The following RFC1 variants were observed in gnomAD, a reference collection of about 807,000 sequenced individuals.
RFC1 encodes A1 140 kDa subunit.
A neutral mutation model predicts 137.4 loss-of-function variants in RFC1; 37 were observed. The observed-to-expected ratio is 0.27, with a 90% CI of 0.21 to 0.35. The LOEUF (loss-of-function observed/expected upper bound fraction) is 0.35, where lower values mean the gene tolerates loss of function less well. Among genes scored for constraint, RFC1 ranks in the 10% least tolerant of loss-of-function variants. RFC1 has a pLI of 1.00. For synonymous variants in RFC1, 429 were observed against 455.7 expected, an observed-to-expected ratio of 0.94 and a Z score of 0.75; for missense variants, 1,205 against 1,358.5, an observed-to-expected ratio of 0.89 and a Z score of 1.78.
chr4:39,344,743 C>T (rs937139319), intron 3 of RFC1, among the ~76,000 whole-genome samples: 1 of 152,114 alleles, frequency 6.6e-6, no homozygotes, highest in Non-Finnish European at 1.5e-5. Flanking sequence ...CCAGATCGCA[C>T]CACTGCACTC....
chr4:39,335,196 C>T (rs1470436295), intron 4 of RFC1, among the ~76,000 whole-genome samples: 1 of 152,146 alleles, frequency 6.6e-6, no homozygotes, highest in Admixed American at 6.5e-5. Context: ...AAGCCTTTTT[C>T]TATAAAGTTT....
intron 1 of RFC1, among the ~76,000 whole-genome samples, chr4:39,365,153 GAAAAAAAAAAAA>G (rs745527928): frequency 2.5e-5 from 2 of 79,882 alleles, no homozygotes; most frequent in South Asian, 5.7e-4. Context: ...GGGTTGAAAT[GAAAAAAAAAAAA>G]AAAAAAAAAA....
At chr4:39,353,573 A>G (rs988875085) in intron 1 of RFC1, among the ~76,000 whole-genome samples, 3 of 152,118 alleles carry the variant, frequency 2.0e-5, no homozygotes, top group African/African-American at 7.2e-5. Context: ...ATCAGATGCT[A>G]AAGAGGAGAA....
In RFC1 at chr4:39,302,786, T is replaced by G; in HGVS notation, c.2291A>C (p.His764Pro). 6.2e-7 allele frequency: 1 copy of G among 1,603,930 alleles called. No homozygotes were observed. The highest frequency in any genetic ancestry group is 8.5e-7 in the Non-Finnish European group (1 of 1,177,254). The change falls in exon 17 of 25, where the codon CAT (histidine) becomes CCT (proline). Residue 764 changes from histidine to proline, a missense_variant. His to Pro is a moderately conservative substitution (Grantham distance 77). Transcript: ENST00000349703. ...RNHPKIRSLV[H>P]YCFDLRFQRP... ...TTGAAAACGAAGATCAAAACAATAA[T>G]GAACCAGAGAGCGAATCTTGGGATG...
At chr4:39,298,774 C>T (rs923371057) in intron 21 of RFC1, among the ~76,000 whole-genome samples, 1 of 152,202 alleles carries the variant, frequency 6.6e-6, no homozygotes, top group South Asian at 2.1e-4. Context: ...TCTAACATTC[C>T]TATTTCTATG....
intron 15 of RFC1, among the ~76,000 whole-genome samples, chr4:39,303,636 T>A (rs1326258600): frequency 6.6e-6 from 1 of 152,232 alleles, no homozygotes; most frequent in Non-Finnish European, 1.5e-5. Context: ...GTATTTTTAG[T>A]AGAGACGGTG....
At chr4:39,294,944 A>G (rs1326934274) in intron 22 of RFC1, among the ~76,000 whole-genome samples, 1 of 152,216 alleles carries the variant, frequency 6.6e-6, no homozygotes, top group Non-Finnish European at 1.5e-5. Flanking sequence ...TGGAGGATGC[A>G]GTGAGCAGAG....
intron 12 of RFC1, among the ~76,000 whole-genome samples, chr4:39,309,701 T>C (rs1225966064): frequency 6.6e-6 from 1 of 152,188 alleles, no homozygotes; most frequent in Non-Finnish European, 1.5e-5. Flanking sequence ...AGGTACAGGG[T>C]TTCTTTTCAG....
intron 10 of RFC1, among the ~76,000 whole-genome samples, chr4:39,314,779 T>C (rs995217066): frequency 1.3e-5 from 2 of 152,164 alleles, no homozygotes; most frequent in African/African-American, 2.4e-5. Context: ...TATGTACTTA[T>C]ATATACCAAG....
chr4:39,294,872 C>T (rs1459594522), intron 22 of RFC1, among the ~76,000 whole-genome samples: 2 of 152,002 alleles, frequency 1.3e-5, no homozygotes, highest in South Asian at 4.1e-4. Context: ...GACACGGTGG[C>T]GTGCGCCTAT....
intron 22 of RFC1, among the ~76,000 whole-genome samples, chr4:39,293,090 T>C (rs1279877717): frequency 6.6e-6 from 1 of 152,198 alleles, no homozygotes; most frequent in Non-Finnish European, 1.5e-5. Context: ...GCTTTTTTCC[T>C]GATCAGAAAT....
chr4:39,298,907 A>T (rs1183469136), intron 21 of RFC1, among the ~76,000 whole-genome samples: 1 of 152,230 alleles, frequency 6.6e-6, no homozygotes, highest in Non-Finnish European at 1.5e-5. Context: ...TCACGAGGTC[A>T]GGAGATTAAG....
intron 13 of RFC1, among the ~76,000 whole-genome samples, chr4:39,307,085 G>A (rs188399880): frequency 4.4e-3 from 672 of 152,252 alleles, no homozygotes; most frequent in Non-Finnish European, 6.5e-3. Flanking sequence ...GCCCCTCTGT[G>A]CCTGCCTCCT....
chr4:39,303,294 T>TAA, intron 15 of RFC1, 143 bp from the exon 16 acceptor site: 23 of 474,592 alleles, frequency 4.8e-5, no homozygotes, highest in South Asian at 1.1e-4. Flanking sequence ...AGAGTGTTGT[T>TAA]AAAGAAAAAA....
chr4:39,345,505 T>C (rs766023517), intron 2 of RFC1, 29 bp from the exon 3 acceptor site: 14 of 1,533,412 alleles, frequency 9.1e-6, no homozygotes, highest in Non-Finnish European at 1.2e-5. Flanking sequence ...AATTAGAACA[T>C]AAAGAAGCCT....
chr4:39,349,036 A>G (rs1741050848), intron 2 of RFC1, among the ~76,000 whole-genome samples: 1 of 147,352 alleles, frequency 6.8e-6, no homozygotes, highest in South Asian at 2.2e-4. Context: ...TTAGAAGCAC[A>G]TTCCTTATCT....
intron 10 of RFC1, among the ~76,000 whole-genome samples, chr4:39,315,032 T>C (rs1031595679): frequency 2.0e-5 from 3 of 152,164 alleles, no homozygotes; most frequent in African/African-American, 7.2e-5. Flanking sequence ...CCCCTTCTAG[T>C]CCTTCTAGCT....
Position 39,299,880 on chromosome 4 carries a change from A to ACT in RFC1, c.2808+139_2808+140dup, listed in dbSNP as rs1188492168. 43 of 621,120 alleles carry ACT rather than the reference A, an allele frequency of 6.9e-5. 1 individual carries two copies. In the South Asian group the frequency reaches 8.3e-4, roughly 12 times the overall value. 38.5% of individuals were successfully genotyped at this position (621,120 alleles called of 1,614,324 possible). ...CAGTGAGCCGAGATCATACCACTAC[A>ACT]CTCCAGCCCGGGCAACAGAGCGAGA... On this transcript the variant is annotated intron_variant, in intron 21 of 24. Transcript: ENST00000349703.
At chr4:39,305,939 AAAAC>A (rs1412660407) in intron 14 of RFC1, among the ~76,000 whole-genome samples, 4 of 152,246 alleles carry the variant, frequency 2.6e-5, no homozygotes, top group African/African-American at 9.6e-5. Context: ...ATACAACAAA[AAAAC>A]AAAAGAAACC....
Sources: allele counts gnomAD v4.1 joint callset (sites outside exome capture counted in the v4.1 genomes callset), GRCh38; gene constraint gnomAD v4.1.1; transcripts MANE v1.5; gene names NCBI Gene and HGNC (gene_info 2026-07-23, HGNC 2026-07-21).